ANKRD17: variants seen among roughly 807,000 people sequenced by gnomAD.
ANKRD17 encodes ankyrin repeat domain 17.
Under a neutral mutation model 229.7 loss-of-function variants are expected in ANKRD17, and 19 were observed. That is an observed-to-expected ratio of 0.08 (90% confidence interval 0.06 to 0.12). The LOEUF (loss-of-function observed/expected upper bound fraction) is 0.12. ANKRD17 is among the 10% of genes least tolerant of loss of function. The pLI is 1.00. For synonymous variants in ANKRD17, 1,112 were observed against 1,146.1 expected (o/e 0.97, Z 0.60); for missense variants, 2,176 against 3,176.8 (o/e 0.68, Z 7.57).
chr4:73,179,501 T>TAC (rs1735209449), intron 1 of ANKRD17, among the ~76,000 whole-genome samples: 1 of 78,272 alleles, frequency 1.3e-5, no homozygotes, highest in Non-Finnish European at 2.7e-5. Context: ...TATATATATA[T>TAC]ATATATATAT....
At chr4:73,210,214 AAAAC>A (rs1463976577) in intron 1 of ANKRD17, among the ~76,000 whole-genome samples, 4 of 152,304 alleles carry the variant, frequency 2.6e-5, no homozygotes, top group Non-Finnish European at 4.4e-5. Context: ...ATCTACCAAA[AAAAC>A]AAACAAATAA....
chr4:73,144,855 A>G (rs776558158), intron 10 of ANKRD17, 23 bp from the exon 11 acceptor site: 1 of 1,449,714 alleles, frequency 6.9e-7, no homozygotes, highest in South Asian at 1.3e-5. Flanking sequence ...AAAAAAAAAG[A>G]CTTGACATTT....
intron 24 of ANKRD17, among the ~76,000 whole-genome samples, chr4:73,106,364 G>A (rs1297112382): frequency 6.6e-6 from 1 of 152,184 alleles, no homozygotes; most frequent in African/African-American, 2.4e-5. Context: ...GGCTTTATAA[G>A]ATAAGAATTT....
chr4:73,199,214 A>G (rs1471972812), intron 1 of ANKRD17, among the ~76,000 whole-genome samples: 4 of 139,432 alleles, frequency 2.9e-5, no homozygotes, highest in Non-Finnish European at 6.3e-5. Context: ...GAAAACATAC[A>G]GTTTGGCTGT....
intron 25 of ANKRD17, among the ~76,000 whole-genome samples, chr4:73,101,757 A>G (rs1005234360): frequency 4.6e-5 from 7 of 151,938 alleles, no homozygotes; most frequent in African/African-American, 1.7e-4. Context: ...AAATATGTAC[A>G]AGTACTTAAA....
intron 1 of ANKRD17, among the ~76,000 whole-genome samples, chr4:73,241,557 C>A (rs2149262382): frequency 6.6e-6 from 1 of 152,146 alleles, no homozygotes; most frequent in South Asian, 2.1e-4. Flanking sequence ...AATTACTAAA[C>A]TATAAAAAGA....
At chr4:73,242,091 C>T (rs1744094231) in intron 1 of ANKRD17, among the ~76,000 whole-genome samples, 1 of 152,068 alleles carries the variant, frequency 6.6e-6, no homozygotes, top group African/African-American at 2.4e-5. Flanking sequence ...ACAAGTATAA[C>T]CTCTGTTACC....
chr4:73,124,432 A>G (rs955495118), intron 18 of ANKRD17, among the ~76,000 whole-genome samples: 3 of 152,166 alleles, frequency 2.0e-5, no homozygotes, highest in Non-Finnish European at 2.9e-5. Context: ...TAATCTTACC[A>G]TCTTATCTGA....
At chr4:73,093,123 T>G (rs1385383246) in intron 28 of ANKRD17, among the ~76,000 whole-genome samples, 1 of 152,180 alleles carries the variant, frequency 6.6e-6, no homozygotes, top group Non-Finnish European at 1.5e-5. Flanking sequence ...AGGTATGATG[T>G]AACTATTAGC....
chr4:73,094,033 T>C (rs573478823), intron 28 of ANKRD17, 46 bp downstream of exon 28: 3 of 1,581,698 alleles, frequency 1.9e-6, no homozygotes, highest in African/African-American at 2.7e-5. Context: ...CATTAAGCTA[T>C]AGTGCAATAA....
intron 3 of ANKRD17, among the ~76,000 whole-genome samples, chr4:73,160,766 T>C (rs532261937): frequency 2.6e-5 from 4 of 152,244 alleles, no homozygotes; most frequent in African/African-American, 9.6e-5. Context: ...AATAAATAAA[T>C]AAAAAGCCTT....
chr4:73,112,983 T>C (rs1357922684), intron 24 of ANKRD17: 5 of 632,050 alleles, frequency 7.9e-6, no homozygotes, highest in Non-Finnish European at 1.0e-5. Context: ...AGACGGTGTT[T>C]TGCCATGTTG....
chr4:73,178,504 G>A lies in ANKRD17; in HGVS notation c.394-971C>T, dbSNP rs1478748664. ...ATTTTTTTTTTTTAACTTCAAGCAC[G>A]TGGTAGTGAAGAATACAATCATATC... is the stretch of plus-strand genomic sequence containing the variant. On this transcript the variant is annotated intron_variant, in intron 1 of 33. Coordinates refer to ENST00000358602, the MANE Select transcript of ANKRD17 (RefSeq NM_032217.5). Among the ~76,000 whole-genome samples, 4 of 151,410 alleles carry A rather than the reference G, an allele frequency of 2.6e-5. No individual in the cohort carries two copies. The East Asian group carries it at 7.7e-4, about 29-fold the overall frequency.
chr4:73,179,027 T>TA (rs993351513), intron 1 of ANKRD17, among the ~76,000 whole-genome samples: 2 of 151,866 alleles, frequency 1.3e-5, no homozygotes, highest in African/African-American at 4.8e-5. Context: ...AGGTCAACAA[T>TA]AAAAAAGACA....
intron 1 of ANKRD17, among the ~76,000 whole-genome samples, chr4:73,205,158 A>C (rs550372868): frequency 1.3e-4 from 20 of 152,180 alleles, no homozygotes; most frequent in African/African-American, 4.8e-4. Context: ...TACAATAAAA[A>C]AATTTAAAGA....
At chr4:73,133,387 G>A (rs1036721073) in intron 16 of ANKRD17, among the ~76,000 whole-genome samples, 1 of 124,812 alleles carries the variant, frequency 8.0e-6, no homozygotes, top group South Asian at 2.4e-4. Context: ...TGAATGTCTC[G>A]TGTTTTTTTT....
At chr4:73,231,891 A>C (rs1743083557) in intron 1 of ANKRD17, among the ~76,000 whole-genome samples, 1 of 152,226 alleles carries the variant, frequency 6.6e-6, no homozygotes, top group Non-Finnish European at 1.5e-5. Flanking sequence ...ACAGGGCGTG[A>C]AGGGCTTTCA....
intron 26 of ANKRD17, among the ~76,000 whole-genome samples, chr4:73,097,562 G>T (rs780848068): frequency 3.3e-5 from 5 of 151,706 alleles, no homozygotes; most frequent in Non-Finnish European, 7.4e-5. Context: ...AGCCTCCTGA[G>T]TAGCTGGGAC....
intron 3 of ANKRD17, 90 bp downstream of exon 3, chr4:73,161,102 G>A: frequency 2.0e-6 from 3 of 1,481,850 alleles, no homozygotes; most frequent in Non-Finnish European, 1.8e-6. Context: ...GTGCCAGCCA[G>A]GCACAAAATA....
Sources: gnomAD v4.1 joint callset for allele counts (sites outside exome capture counted in the v4.1 genomes callset) on GRCh38, gnomAD v4.1.1 for gene constraint, MANE v1.5 for transcripts, NCBI Gene and HGNC (gene_info 2026-07-23, HGNC 2026-07-21) for gene names.